DAPK1: variants seen among roughly 807,000 people sequenced by gnomAD.
DAPK1 encodes the protein death-associated protein kinase 1.
DAPK1 carries 56 observed loss-of-function variants against 144.9 expected under a neutral mutation model. The ratio of observed to expected loss-of-function variants is 0.39; its 90% confidence interval spans 0.31 to 0.48. The LOEUF (loss-of-function observed/expected upper bound fraction) is 0.48, where lower values mean the gene tolerates loss of function less well. Ranked by LOEUF, DAPK1 falls within the 20% of genes least tolerant of loss-of-function variation. The pLI is 0.95. For missense variants in DAPK1, 1,454 were observed against 1,875.4 expected (o/e 0.78, Z 4.15); for synonymous variants, 690 against 749.0 (o/e 0.92, Z 1.29).
intron 2 of DAPK1, among the ~76,000 whole-genome samples, chr9:87,596,273 G>C (rs528481145): frequency 6.6e-6 from 1 of 152,172 alleles, no homozygotes; most frequent in Non-Finnish European, 1.5e-5. Context: ...GTATAGATAC[G>C]CACTGGGCAT....
intron 2 of DAPK1, among the ~76,000 whole-genome samples, chr9:87,575,495 C>T (rs1172671845): frequency 2.6e-5 from 4 of 152,108 alleles, no homozygotes; most frequent in Non-Finnish European, 4.4e-5. Flanking sequence ...CCTTAAGGAG[C>T]GTGTGGTTTC....
At chr9:87,556,002 A>G (rs1795834154) in intron 2 of DAPK1, among the ~76,000 whole-genome samples, 1 of 152,234 alleles carries the variant, frequency 6.6e-6, no homozygotes, top group South Asian at 2.1e-4. Flanking sequence ...TAAAAAGACG[A>G]ATGAGAAAAT....
At chr9:87,594,904 C>T (rs1182972608) in intron 2 of DAPK1, among the ~76,000 whole-genome samples, 2 of 152,200 alleles carry the variant, frequency 1.3e-5, no homozygotes, top group East Asian at 1.9e-4. Context: ...AGTTGGTCCA[C>T]ACCCTTCTAA....
chr9:87,666,028 A>G (rs1257785989), intron 18 of DAPK1, among the ~76,000 whole-genome samples: 1 of 152,224 alleles, frequency 6.6e-6, no homozygotes, highest in Non-Finnish European at 1.5e-5. Context: ...CGGGGTGTCC[A>G]GTAGAGCCAA....
chr9:87,542,999 G>A (rs1387075912), intron 2 of DAPK1, among the ~76,000 whole-genome samples: 1 of 152,198 alleles, frequency 6.6e-6, no homozygotes, highest in East Asian at 1.9e-4. Flanking sequence ...GGTGACATTA[G>A]AAAACAAATT....
At chr9:87,571,087 G>A (rs1289397118) in intron 2 of DAPK1, among the ~76,000 whole-genome samples, 1 of 152,110 alleles carries the variant, frequency 6.6e-6, no homozygotes, top group Non-Finnish European at 1.5e-5. Flanking sequence ...AAGAAAATGT[G>A]GATGCCTCAT....
intron 9 of DAPK1, 76 bp downstream of exon 9, chr9:87,640,923 T>C: frequency 7.3e-7 from 1 of 1,376,248 alleles, no homozygotes; most frequent in Non-Finnish European, 1.0e-6. Context: ...TCATGTATCA[T>C]AGAGTACTGC....
chr9:87,498,509 T>TAGGAG (rs1187914395), intron 1 of DAPK1: 1 of 235,836 alleles, frequency 4.2e-6, no homozygotes, highest in African/African-American at 2.3e-5. Context: ...GCCACGGTGT[T>TAGGAG]AGGAGAGGCG....
At chr9:87,529,312 T>A (rs1374685598) in intron 2 of DAPK1, among the ~76,000 whole-genome samples, 1 of 152,222 alleles carries the variant, frequency 6.6e-6, no homozygotes, top group African/African-American at 2.4e-5. Flanking sequence ...GGTCGAATTC[T>A]TTCTTTTGAG....
At chr9:87,635,353 G>GA (rs1191231499) in intron 3 of DAPK1, among the ~76,000 whole-genome samples, 3 of 152,088 alleles carry the variant, frequency 2.0e-5, no homozygotes, top group Non-Finnish European at 2.9e-5. Flanking sequence ...CTCATTGTCT[G>GA]AAAAATGCAT....
chr9:87,534,358 G>A (rs893731639), intron 2 of DAPK1, among the ~76,000 whole-genome samples: 6 of 151,722 alleles, frequency 4.0e-5, no homozygotes, highest in Non-Finnish European at 7.4e-5. Flanking sequence ...TCAAGGGCAG[G>A]GGTACCACAC....
At chr9:87,604,883 C>A in intron 2 of DAPK1, 71 bp from the exon 3 acceptor site, 1 of 1,429,284 alleles carries the variant, frequency 7.0e-7, no homozygotes, top group Non-Finnish European at 9.7e-7. Context: ...CCCCTCTGCA[C>A]CATGCCACAT....
intron 23 of DAPK1, among the ~76,000 whole-genome samples, chr9:87,699,546 TATG>T (rs1825385703): frequency 6.6e-6 from 1 of 151,392 alleles, no homozygotes; most frequent in African/African-American, 2.4e-5. Flanking sequence ...TGTACAGGAT[TATG>T]ATGTAAAATA....
rs1046347402 is a variant in DAPK1 at position 87,549,867 on chromosome 9, A to T, written c.62+50728A>T. Among the ~76,000 whole-genome samples, 8 of 152,218 alleles carry T rather than the reference A, an allele frequency of 5.3e-5. No individual in the cohort carries two copies. In the South Asian group the frequency reaches 1.7e-3, roughly 32 times the overall value. ...ACCCATCTGTCTGTTACCCAGATCC[A>T]CAATGAACATTTTTTTTATCTTTCC... On this transcript the variant is annotated intron_variant, in intron 2 of 25. Coordinates refer to ENST00000408954, the MANE Select transcript of DAPK1 (RefSeq NM_004938.4).
chr9:87,633,410 C>T, intron 3 of DAPK1: 2 of 984,910 alleles, frequency 2.0e-6, no homozygotes, highest in Non-Finnish European at 2.4e-6. Flanking sequence ...TTGATAAGTC[C>T]TGACCTAGTG....
At chr9:87,657,783 A>G (rs949924061) in intron 17 of DAPK1, 9 of 500,564 alleles carry the variant, frequency 1.8e-5, no homozygotes, top group Middle Eastern at 5.1e-4. Flanking sequence ...AGGCCAGCAC[A>G]GCAGGAAACT....
At chr9:87,586,546 C>T (rs1827947194) in intron 2 of DAPK1, among the ~76,000 whole-genome samples, 2 of 152,204 alleles carry the variant, frequency 1.3e-5, no homozygotes, top group East Asian at 1.9e-4. Context: ...CTATTGGACA[C>T]GTCATCTAAA....
intron 18 of DAPK1, among the ~76,000 whole-genome samples, chr9:87,661,085 A>G (rs1236840304): frequency 2.0e-5 from 3 of 152,162 alleles, no homozygotes; most frequent in East Asian, 1.9e-4. Flanking sequence ...TGATCTGCCC[A>G]CCTTGGCCTC....
At chr9:87,520,785 A>G (rs142525435) in intron 2 of DAPK1, among the ~76,000 whole-genome samples, 2 of 152,356 alleles carry the variant, frequency 1.3e-5, no homozygotes, top group Non-Finnish European at 2.9e-5. Flanking sequence ...GTGTGCGTAC[A>G]TACATAGGTA....
Sources: allele counts gnomAD v4.1 joint callset (sites outside exome capture counted in the v4.1 genomes callset), GRCh38; gene constraint gnomAD v4.1.1; transcripts MANE v1.5; gene names NCBI Gene and HGNC (gene_info 2026-07-23, HGNC 2026-07-21).